The following SDK2 variants were observed in gnomAD, a reference collection of about 807,000 sequenced individuals.
SDK2 encodes the protein protein sidekick-2.
Under a neutral mutation model 253.9 loss-of-function variants are expected in SDK2, and 105 were observed. The observed-to-expected ratio is 0.41, with a 90% CI of 0.35 to 0.49. The LOEUF (loss-of-function observed/expected upper bound fraction) is 0.49, where lower values mean the gene tolerates loss of function less well. Ranked by LOEUF, SDK2 falls within the 20% of genes least tolerant of loss-of-function variation. SDK2 has a pLI of 0.06. For synonymous variants in SDK2, 1,249 were observed against 1,234.9 expected (o/e 1.01, Z -0.24); for missense variants, 2,608 against 3,003.0 (o/e 0.87, Z 3.07).
At position 73,611,989 on chromosome 17, in the gene SDK2, C is replaced by T. The variant is rs558562803; in HGVS notation, c.64+32036G>A. On this transcript the variant is annotated intron_variant, in intron 1 of 44. Coordinates refer to ENST00000392650, the MANE Select transcript of SDK2 (RefSeq NM_001144952.2). ...TCACAGAGACTGTAAGTACCACAGA[C>T]ACTTTCCCTGTCTCAGGAGGGAGCC... Among the ~76,000 whole-genome samples, 10 of 152,312 alleles carry T rather than the reference C, an allele frequency of 6.6e-5. No homozygotes were observed. In the South Asian group the frequency reaches 1.9e-3, roughly 28 times the overall value.
At chr17:73,446,150 T>C (rs1440009279) in intron 5 of SDK2, among the ~76,000 whole-genome samples, 1 of 152,182 alleles carries the variant, frequency 6.6e-6, no homozygotes, top group Non-Finnish European at 1.5e-5. Context: ...GAACCACTCC[T>C]GTGTCTTTGA....
At chr17:73,537,905 A>C (rs1475861106) in intron 1 of SDK2, among the ~76,000 whole-genome samples, 1 of 152,098 alleles carries the variant, frequency 6.6e-6, no homozygotes, top group Non-Finnish European at 1.5e-5. Flanking sequence ...TCCATTCACA[A>C]ACCCCCCAAA....
rs1202489683 is a variant in SDK2, at chr17:73,642,379, C to T, written c.64+1646G>A. On this transcript the variant is annotated intron_variant, in intron 1 of 44. Transcript: ENST00000392650. This position sits in a 1 kb window ranked among gnomAD's most constrained non-coding sequence, Gnocchi z 4.7. Reference sequence around the variant, plus strand: ...AGGGTCCAGACAGATGCTGGCATCCCGTCCCTCCACGCCGTCCAGGCTTTT... The same window carrying T: ...AGGGTCCAGACAGATGCTGGCATCCTGTCCCTCCACGCCGTCCAGGCTTTT... 6.6e-6 allele frequency among the ~76,000 whole-genome samples: 1 copy of T among 152,196 alleles called. No individual in the cohort carries two copies. The highest frequency in any genetic ancestry group is 1.5e-5 in the Non-Finnish European group (1 of 68,030).
chr17:73,583,730 G>A (rs1015001662), intron 1 of SDK2, among the ~76,000 whole-genome samples: 22 of 125,308 alleles, frequency 1.8e-4, no homozygotes, highest in Non-Finnish European at 3.6e-4. Context: ...GAGCACACGG[G>A]TGGTGGGCTG....
chr17:73,560,717 C>A (rs1219270876), intron 1 of SDK2, among the ~76,000 whole-genome samples: 1 of 152,124 alleles, frequency 6.6e-6, no homozygotes, highest in Non-Finnish European at 1.5e-5. Flanking sequence ...TGTGTAAATA[C>A]AGAACTTCAA....
At chr17:73,410,006 C>T (rs1448370271) in intron 18 of SDK2, among the ~76,000 whole-genome samples, 1 of 152,158 alleles carries the variant, frequency 6.6e-6, no homozygotes, top group Non-Finnish European at 1.5e-5. Context: ...AGGCACTCAA[C>T]ACCACACCTG....
rs1490719310 is a variant in SDK2 at position 73,365,388 on chromosome 17, G to A, written c.5175C>T (p.Ser1725=). 9 of 1,606,924 alleles carry A rather than the reference G, an allele frequency of 5.6e-6. No individual in the cohort carries two copies. Among genetic ancestry groups the A allele is most frequent in the Middle Eastern group, 1.7e-4 (1 of 6,052 alleles). ...CACTGAACTTGACCGAGCTGGGAGC[G>A]CTGGGGGCTGCGGGAGACAGCAAAG... ...TQGQTQQAAP[S]APSSVKFSEL... The change falls in exon 38 of 45, where the codon AGC becomes AGT. Residue 1725 remains serine (S), a synonymous_variant. Coordinates refer to ENST00000392650, the MANE Select transcript of SDK2 (RefSeq NM_001144952.2).
intron 2 of SDK2, among the ~76,000 whole-genome samples, chr17:73,491,316 G>C (rs2063804786): frequency 6.6e-6 from 1 of 151,764 alleles, no homozygotes; most frequent in South Asian, 2.1e-4. Context: ...TATGACCCTG[G>C]CTGCTGGGAG....
At chr17:73,393,830 T>C in intron 26 of SDK2, 81 bp from the exon 27 acceptor site, 1 of 1,152,084 alleles carries the variant, frequency 8.7e-7, no homozygotes. Flanking sequence ...ATCCCCAGGA[T>C]GAGCAGCTGT....
At chr17:73,491,427 C>T (rs928813973) in intron 2 of SDK2, among the ~76,000 whole-genome samples, 8 of 147,968 alleles carry the variant, frequency 5.4e-5, no homozygotes, top group African/African-American at 1.7e-4. Context: ...GGCTGGAGTA[C>T]AGTGGCACGA....
rs539866265 is a variant in SDK2 at position 73,503,565 on chromosome 17, T to A, written c.224+3873A>T. Reference sequence around the variant, plus strand: ...ACAGTACTAACGATTTTACTAAGATTTGAAAAAAATCAAAATTAAAAGAGA... The same window carrying A: ...ACAGTACTAACGATTTTACTAAGATATGAAAAAAATCAAAATTAAAAGAGA... On this transcript the variant is annotated intron_variant, in intron 2 of 44. Coordinates refer to ENST00000392650, the MANE Select transcript of SDK2 (RefSeq NM_001144952.2). Among the ~76,000 whole-genome samples the A allele has an allele frequency of 4.6e-5, 7 of 152,272 alleles. No individual in the cohort carries two copies. The South Asian group carries it at 1.5e-3, about 32-fold the overall frequency.
At position 73,355,174 on chromosome 17, in the gene SDK2, AT is replaced by A. The variant is rs770032791; in HGVS notation, c.5594-2538del. Among the ~76,000 whole-genome samples the A allele has an allele frequency of 3.6e-4, 17 of 47,202 alleles. 1 individual carries two copies. Among genetic ancestry groups the A allele is most frequent in the South Asian group, 1.8e-3 (1 of 558 alleles). The allele number at this position is 47,202 out of a possible 152,430, so 31.0% of individuals were successfully genotyped here. A position where few individuals can be genotyped will look rare whatever the true frequency, so the allele number is the denominator to read the frequency against. On this transcript the variant is annotated intron_variant, in intron 40 of 44. Transcript: ENST00000392650. ...CCTACACCTCCATATATATATATAT[AT>A]TTTTTTTTTTTTTTTTTTTTAGACG... is the stretch of plus-strand genomic sequence containing the variant.
At chr17:73,437,123 T>C (rs2081409634) in intron 8 of SDK2, among the ~76,000 whole-genome samples, 1 of 152,120 alleles carries the variant, frequency 6.6e-6, no homozygotes, top group Non-Finnish European at 1.5e-5. Flanking sequence ...TCCAGCACAG[T>C]CCTCATTCCT....
chr17:73,395,179 C>T lies in SDK2; in HGVS notation c.3568G>A (p.Val1190Met). The T allele has an allele frequency of 1.2e-6, 2 of 1,603,196 alleles. No individual in the cohort carries two copies. The highest frequency in any genetic ancestry group is 1.1e-5 in the South Asian group (1 of 89,408). ...AIGSGPWSQTVVGRTRESVPS... is the reference protein window; with the variant it reads ...AIGSGPWSQTMVGRTRESVPS... ...CCTGACTCCCGGGTCCTGCCCACCA[C>T]CGTCTGGCTCCAGGGCCCGCTCCCG... Residue 1190 changes from valine to methionine, a missense_variant, in exon 25 of 45, where the codon GTG (valine) becomes ATG (methionine). Transcript: ENST00000392650. The surrounding 1 kb of genome is among the most constrained non-coding windows in gnomAD (Gnocchi z 4.3).
chr17:73,368,521 C>A lies in SDK2; in HGVS notation c.5053G>T (p.Val1685Leu), dbSNP rs748167512. The change falls in exon 37 of 45, where the codon GTG becomes TTG. Residue 1685 changes from valine to leucine, a missense_variant. Coordinates refer to ENST00000392650, the MANE Select transcript of SDK2 (RefSeq NM_001144952.2). ...TAGCCAGTCAAGTTCTTGAGCTTCACGCTGTTCTCAGCCAGGAAAAGCGTC... is the reference window on the plus strand; with the variant it reads ...TAGCCAGTCAAGTTCTTGAGCTTCAAGCTGTTCTCAGCCAGGAAAAGCGTC... ...VKTLFLAENSVKLKNLTGYTA... is the reference protein window; with the variant it reads ...VKTLFLAENSLKLKNLTGYTA... 4 of 1,610,418 alleles carry A rather than the reference C, an allele frequency of 2.5e-6. No homozygotes were observed. Among genetic ancestry groups the A allele is most frequent in the East Asian group, 2.2e-5 (1 of 44,766 alleles).
In SDK2 at chr17:73,612,408, A is replaced by C. The variant is rs1944507825; in HGVS notation, c.64+31617T>G. Among the ~76,000 whole-genome samples, 1 of 151,946 alleles carries C rather than the reference A, an allele frequency of 6.6e-6. No homozygotes were observed. The highest frequency in any genetic ancestry group is 6.5e-5 in the Admixed American group (1 of 15,272). ...CACCGGGTCCCTGTGGCCCAGCTGC[A>C]CCTAGGCTGCAGGCTGGCCTCCCAA... On this transcript the variant is annotated intron_variant, in intron 1 of 44. Transcript: ENST00000392650. The surrounding 1 kb of genome is among the most constrained non-coding windows in gnomAD (Gnocchi z 4.4).
intron 1 of SDK2, among the ~76,000 whole-genome samples, chr17:73,626,992 G>C (rs958173971): frequency 6.6e-6 from 1 of 152,188 alleles, no homozygotes; most frequent in African/African-American, 2.4e-5. Context: ...CTAGCCGGGG[G>C]GGTGTAAAAT....
intron 3 of SDK2, among the ~76,000 whole-genome samples, chr17:73,471,563 A>T (rs1224877604): frequency 1.3e-5 from 2 of 152,134 alleles, no homozygotes; most frequent in Non-Finnish European, 2.9e-5. Flanking sequence ...GCACCACTGA[A>T]CTCCAGCCTG....
rs2063177933 is a variant in SDK2 at position 73,415,966 on chromosome 17, C to T, written c.2213G>A (p.Gly738Glu). 6.2e-7 allele frequency: 1 copy of T among 1,611,282 alleles called. No homozygotes were observed. The highest frequency in any genetic ancestry group is 8.5e-7 in the Non-Finnish European group (1 of 1,178,974). Reference sequence around the variant, plus strand: ...ATCCGTGATGTTCTTAAACTGGTACCCCACGGGCAGCCCGGCCAGGCAGTA... The same window carrying T: ...ATCCGTGATGTTCTTAAACTGGTACTCCACGGGCAGCCCGGCCAGGCAGTA... ...IRYCLAGLPV[G>E]YQFKNITDAD... is the part of the protein sequence containing the mutation. The change falls in exon 17 of 45, where the codon GGG becomes GAG. Residue 738 changes from glycine to glutamate, a missense_variant. Transcript: ENST00000392650.
Sources: gnomAD v4.1 joint callset for allele counts (sites outside exome capture counted in the v4.1 genomes callset) on GRCh38, gnomAD v4.1.1 for gene constraint, Gnocchi (gnomAD v3.1) non-coding constraint, MANE v1.5 for transcripts, NCBI Gene and HGNC (gene_info 2026-07-23, HGNC 2026-07-21) for gene names.